SH2D4B: variants seen among roughly 807,000 people sequenced by gnomAD.
The protein encoded by SH2D4B is SH2 domain-containing protein 4B.
SH2D4B carries 45 observed loss-of-function variants against 61.5 expected under a neutral mutation model. The ratio of observed to expected loss-of-function variants is 0.73; its 90% CI spans 0.58 to 0.94. SH2D4B has a LOEUF of 0.94. SH2D4B is among the 40% of genes least tolerant of loss of function. The pLI is 0.00. For missense variants in SH2D4B, 572 were observed against 574.2 expected (o/e 1.00, Z 0.04); for synonymous variants, 224 against 220.4 (o/e 1.02, Z -0.14).
chr10:80,543,529 C>T (rs914260949), intron 1 of SH2D4B, among the ~76,000 whole-genome samples: 2 of 152,206 alleles, frequency 1.3e-5, no homozygotes, highest in African/African-American at 4.8e-5. Flanking sequence ...GCCCAAGCTT[C>T]CCCGATGAGC....
chr10:80,613,923 C>A (rs1040196609), intron 6 of SH2D4B, among the ~76,000 whole-genome samples: 2 of 152,132 alleles, frequency 1.3e-5, no homozygotes, highest in Admixed American at 1.3e-4. Context: ...TGGATGACAG[C>A]ACACAAACAA....
chr10:80,590,668 C>T (rs1842315071), intron 4 of SH2D4B, among the ~76,000 whole-genome samples: 2 of 152,016 alleles, frequency 1.3e-5, no homozygotes, highest in South Asian at 4.2e-4. Flanking sequence ...GCCTTCTGGT[C>T]CTCAGCATGT....
chr10:80,608,824 T>C (rs149163032), intron 5 of SH2D4B, among the ~76,000 whole-genome samples: 9 of 152,262 alleles, frequency 5.9e-5, no homozygotes, highest in East Asian at 1.9e-4. Context: ...CCAGAGCAAA[T>C]TGAGGTTCTC....
rs562063773 is a variant in SH2D4B, at chr10:80,576,324, T to C, written c.495+4746T>C. Among the ~76,000 whole-genome samples, 13 of 152,356 alleles carry C rather than the reference T, an allele frequency of 8.5e-5. No individual in the cohort carries two copies. In the South Asian group the frequency reaches 2.3e-3, roughly 27 times the overall value. On this transcript the variant is annotated intron_variant, in intron 3 of 7. Coordinates refer to ENST00000646907, the MANE Select transcript of SH2D4B (RefSeq NM_001388272.1). ...GCCAAGGAAGGTTATGATTATTATATGTTTGTTTTGGTTCAAATATTAATT... is the reference window on the plus strand; with the variant it reads ...GCCAAGGAAGGTTATGATTATTATACGTTTGTTTTGGTTCAAATATTAATT...
At chr10:80,611,816 A>G (rs1340413428) in intron 6 of SH2D4B, among the ~76,000 whole-genome samples, 3 of 150,788 alleles carry the variant, frequency 2.0e-5, no homozygotes, top group Non-Finnish European at 3.0e-5. Context: ...TAACTTTTAT[A>G]TTGTCACAGA....
At chr10:80,542,046 T>C (rs2343527) in intron 1 of SH2D4B, among the ~76,000 whole-genome samples, 16,780 of 152,194 alleles carry the variant, frequency 0.11, 2,209 homozygotes, top group African/African-American at 0.3. Context: ...AACATCATGC[T>C]TATTGTGCTA....
chr10:80,627,592 C>T (rs1476703130), intron 6 of SH2D4B, among the ~76,000 whole-genome samples: 1 of 148,786 alleles, frequency 6.7e-6, no homozygotes, highest in East Asian at 2.0e-4. Flanking sequence ...GAGCCAATAG[C>T]TTATGTGGCC....
intron 3 of SH2D4B, among the ~76,000 whole-genome samples, chr10:80,576,507 A>G (rs7904557): frequency 0.23 from 34,364 of 152,156 alleles, 4,904 homozygotes; most frequent in African/African-American, 0.39. Flanking sequence ...GTCCAGGTTC[A>G]TGAGCTGAGA....
intron 1 of SH2D4B, among the ~76,000 whole-genome samples, chr10:80,541,138 T>TAA (rs1841573126): frequency 6.6e-6 from 1 of 152,136 alleles, no homozygotes; most frequent in African/African-American, 2.4e-5. Context: ...TTTCTTTAAT[T>TAA]AGGGGATGGA....
chr10:80,596,536 G>A (rs1174958485), intron 4 of SH2D4B, among the ~76,000 whole-genome samples: 2 of 152,132 alleles, frequency 1.3e-5, no homozygotes, highest in Non-Finnish European at 2.9e-5. Context: ...TGCAGCTTAG[G>A]TATCTCCAAA....
rs1265011434 is a variant in SH2D4B, at chr10:80,538,231, G to A, written c.-101G>A. 5.8e-6 allele frequency: 6 copies of A among 1,035,488 alleles called. No homozygotes were observed. Among genetic ancestry groups the A allele is most frequent in the Admixed American group, 8.4e-5 (2 of 23,712 alleles). The allele number at this position is 1,035,488 out of a possible 1,614,324, so 64.1% of individuals were successfully genotyped here. ...GAGAAGGGGCACCGAGAGTGGCCCCGGATTGAGCAGTCCGTAGTGCAGAGC... is the reference window on the plus strand; with the variant it reads ...GAGAAGGGGCACCGAGAGTGGCCCCAGATTGAGCAGTCCGTAGTGCAGAGC... On this transcript the variant is annotated 5_prime_UTR_variant, in exon 1 of 8. Transcript: ENST00000646907. This position sits in a 1 kb window ranked among gnomAD's most constrained non-coding sequence, Gnocchi z 4.8.
At chr10:80,562,726 A>G (rs538540567) in intron 1 of SH2D4B, among the ~76,000 whole-genome samples, 1 of 152,080 alleles carries the variant, frequency 6.6e-6, no homozygotes, top group Non-Finnish European at 1.5e-5. Flanking sequence ...AGCTGTACTA[A>G]TTTATGCTCC....
intron 4 of SH2D4B, among the ~76,000 whole-genome samples, chr10:80,596,646 G>A (rs1297619945): frequency 6.6e-6 from 1 of 152,192 alleles, no homozygotes; most frequent in East Asian, 1.9e-4. Flanking sequence ...TGGAGTTACT[G>A]CTGGGCATTC....
chr10:80,555,109 C>A (rs1841813905), intron 1 of SH2D4B, among the ~76,000 whole-genome samples: 1 of 151,800 alleles, frequency 6.6e-6, no homozygotes, highest in Admixed American at 6.6e-5. Flanking sequence ...ACCATCACAG[C>A]ATGTAATTAA....
chr10:80,598,392 G>A (rs1217831306), intron 4 of SH2D4B, among the ~76,000 whole-genome samples: 1 of 152,178 alleles, frequency 6.6e-6, no homozygotes, highest in African/African-American at 2.4e-5. Flanking sequence ...GCTCATTAAT[G>A]TACGGTGTGG....
chr10:80,623,589 T>C (rs1269635837), intron 6 of SH2D4B, among the ~76,000 whole-genome samples: 1 of 152,220 alleles, frequency 6.6e-6, no homozygotes, highest in Non-Finnish European at 1.5e-5. Context: ...TATGGACTTC[T>C]GGTTTTGTTC....
rs368819342 is a variant in SH2D4B at position 80,603,543 on chromosome 10, C to T, written c.644-36C>T. ...CTGGCGCAGTGCACCGCCTGGGCTG[C>T]GGATCTGGGCTAACGTGCTGTCTTC... On this transcript the variant is annotated intron_variant, in intron 4 of 7. Coordinates refer to ENST00000646907, the MANE Select transcript of SH2D4B (RefSeq NM_001388272.1). The T allele has an allele frequency of 1.5e-4, 219 of 1,491,022 alleles. 1 individual carries two copies. Among genetic ancestry groups the T allele is most frequent in the Middle Eastern group, 7.0e-4 (3 of 4,272 alleles). 92.4% of individuals were successfully genotyped at this position (1,491,022 alleles called of 1,614,324 possible). A position where few individuals can be genotyped will look rare whatever the true frequency, so the allele number is the denominator to read the frequency against.
intron 4 of SH2D4B, among the ~76,000 whole-genome samples, chr10:80,591,777 A>C (rs1050295839): frequency 6.6e-6 from 1 of 152,132 alleles, no homozygotes; most frequent in Non-Finnish European, 1.5e-5. Flanking sequence ...CTGGGATTAC[A>C]GTGTGAGCCA....
At chr10:80,569,045 C>T (rs1216083342) in intron 1 of SH2D4B, among the ~76,000 whole-genome samples, 1 of 152,222 alleles carries the variant, frequency 6.6e-6, no homozygotes, top group African/African-American at 2.4e-5. Context: ...TCAGCAGCAC[C>T]CTGCTTCTGG....
Sources: allele counts gnomAD v4.1 joint callset (sites outside exome capture counted in the v4.1 genomes callset), GRCh38; gene constraint gnomAD v4.1.1; non-coding constraint Gnocchi (gnomAD v3.1); transcripts MANE v1.5; gene names NCBI Gene and HGNC (gene_info 2026-07-23, HGNC 2026-07-21).